The following TTF2 variants were observed in gnomAD, a reference collection of about 807,000 sequenced individuals.
TTF2 encodes the protein transcription termination factor 2.
TTF2 carries 108 observed loss-of-function variants against 142.4 expected under a neutral mutation model. That is an observed-to-expected ratio of 0.76 (90% CI 0.65 to 0.89). The LOEUF (loss-of-function observed/expected upper bound fraction) is 0.89. Among genes scored for constraint, TTF2 ranks in the 40% least tolerant of loss-of-function variants. The pLI, the probability that TTF2 is intolerant of heterozygous loss-of-function variation, is 0.00. For synonymous variants in TTF2, 483 were observed against 506.2 expected, an observed-to-expected ratio of 0.95 and a Z score of 0.61; for missense variants, 1,327 against 1,379.8, an observed-to-expected ratio of 0.96 and a Z score of 0.61.
chr1:117,072,928 A>G (rs1343728966), intron 3 of TTF2, among the ~76,000 whole-genome samples: 1 of 152,178 alleles, frequency 6.6e-6, no homozygotes, highest in African/African-American at 2.4e-5. Context: ...CTCTTTTAAC[A>G]TACCAGTTGG....
Position 117,062,376 on chromosome 1 carries a change from C to A in TTF2, c.132-11C>A. 6.2e-7 allele frequency: 1 copy of A among 1,609,280 alleles called. No individual in the cohort carries two copies. Among genetic ancestry groups the A allele is most frequent in the African/African-American group, 1.3e-5 (1 of 74,618 alleles). Reference sequence around the variant, plus strand: ...ACCTAAAAATGTTTTCAACTTTTTTCTTTTCTCTAGCATTCCTGTTTCCCA... The same window carrying A: ...ACCTAAAAATGTTTTCAACTTTTTTATTTTCTCTAGCATTCCTGTTTCCCA... On this transcript the variant is annotated splice_polypyrimidine_tract_variant and intron_variant, in intron 2 of 22. Transcript: ENST00000369466.
At chr1:117,078,183 T>C in intron 8 of TTF2, 140 bp downstream of exon 8, 1 of 1,115,364 alleles carries the variant, frequency 9.0e-7, no homozygotes. Flanking sequence ...ATCCTCTCCT[T>C]TTATGCTTAA....
chr1:117,069,066 T>C (rs1656377610), intron 3 of TTF2, among the ~76,000 whole-genome samples: 1 of 152,258 alleles, frequency 6.6e-6, no homozygotes, highest in Admixed American at 6.5e-5. Flanking sequence ...ACTACAAGAA[T>C]ATTCATATCT....
chr1:117,079,768 A>C lies in TTF2; in HGVS notation c.1783+119A>C. On this transcript the variant is annotated intron_variant, in intron 9 of 22. Transcript: ENST00000369466. The surrounding 1 kb of genome is among the most constrained non-coding windows in gnomAD (Gnocchi z 4.2). Reference sequence around the variant, plus strand: ...TATGAGGCAGGTACTATTATTCCTCATTTTACAGATGATGAAAGTGAAGCA... The same window carrying C: ...TATGAGGCAGGTACTATTATTCCTCCTTTTACAGATGATGAAAGTGAAGCA... 2.1e-6 allele frequency: 2 copies of C among 931,566 alleles called. No individual in the cohort carries two copies. The highest frequency in any genetic ancestry group is 3.4e-6 in the Non-Finnish European group (2 of 595,342). 57.7% of individuals were successfully genotyped at this position (931,566 alleles called of 1,614,324 possible). A position where few individuals can be genotyped will look rare whatever the true frequency, so the allele number is the denominator to read the frequency against.
intron 9 of TTF2, among the ~76,000 whole-genome samples, chr1:117,081,110 A>AAAGGCCTG (rs2101060376): frequency 6.6e-6 from 1 of 152,358 alleles, no homozygotes; most frequent in East Asian, 1.9e-4. Flanking sequence ...CAACCTTGTA[A>AAAGGCCTG]GCAGGCCTTT....
Position 117,092,924 on chromosome 1 carries a change from T to TA in TTF2, c.2976+24dup. 1 of 1,612,222 alleles carries TA rather than the reference T, an allele frequency of 6.2e-7. No homozygotes were observed. Among genetic ancestry groups the TA allele is most frequent in the Non-Finnish European group, 8.5e-7 (1 of 1,179,102 alleles). On this transcript the variant is annotated intron_variant, in intron 18 of 22. Coordinates refer to ENST00000369466, the MANE Select transcript of TTF2 (RefSeq NM_003594.4). This position sits in a 1 kb window ranked among gnomAD's most constrained non-coding sequence, Gnocchi z 4.4. Reference sequence around the variant, plus strand: ...AAGGTACTTTTTGTCTCCTCTGTAGTAGTCGAGAGACTTCGATTCCTCACA... The same window carrying TA: ...AAGGTACTTTTTGTCTCCTCTGTAGTAAGTCGAGAGACTTCGATTCCTCACA...
chr1:117,065,827 C>A (rs1656055958), intron 3 of TTF2, among the ~76,000 whole-genome samples: 1 of 151,766 alleles, frequency 6.6e-6, no homozygotes, highest in South Asian at 2.1e-4. Flanking sequence ...TACTGGAGGA[C>A]CTTTACCATA....
chr1:117,061,285 G>A (rs1655668873), intron 2 of TTF2, among the ~76,000 whole-genome samples: 2 of 152,208 alleles, frequency 1.3e-5, no homozygotes, highest in African/African-American at 2.4e-5. Context: ...CCAGCTACTC[G>A]TGAGGCTGAG....
Position 117,092,122 on chromosome 1 carries a change from G to T in TTF2, c.2805+172G>T, listed in dbSNP as rs763549174. ...GGAGAAAAGGGGGCTTATTTATTTT[G>T]CTTTATTTCATATTAATCTTGATAA... On this transcript the variant is annotated intron_variant, in intron 17 of 22. Coordinates refer to ENST00000369466, the MANE Select transcript of TTF2 (RefSeq NM_003594.4). The surrounding 1 kb of genome is among the most constrained non-coding windows in gnomAD (Gnocchi z 4.4). 7.2e-5 allele frequency among the ~76,000 whole-genome samples: 11 copies of T among 152,038 alleles called. No homozygotes were observed. The highest frequency in any genetic ancestry group is 1.0e-4 in the Non-Finnish European group (7 of 67,990).
At chr1:117,091,460 T>G in intron 16 of TTF2, 50 bp downstream of exon 16, 1 of 1,542,428 alleles carries the variant, frequency 6.5e-7, no homozygotes, top group Non-Finnish European at 8.8e-7. Context: ...AAATGGGGAT[T>G]TGGATTCAGT....
In TTF2 at chr1:117,099,234, A is replaced by C. The variant is rs1302300830; in HGVS notation, c.3344+327A>C. 6.6e-6 allele frequency among the ~76,000 whole-genome samples: 1 copy of C among 152,208 alleles called. No individual in the cohort carries two copies. Among genetic ancestry groups the C allele is most frequent in the Non-Finnish European group, 1.5e-5 (1 of 68,038 alleles). ...ACAGAAAACGTACAAGAATAGTACC[A>C]AAAAGTTCCCATATATTATGGTGTG... On this transcript the variant is annotated intron_variant, in intron 22 of 22. Transcript: ENST00000369466. This position sits in a 1 kb window ranked among gnomAD's most constrained non-coding sequence, Gnocchi z 4.3.
intron 3 of TTF2, among the ~76,000 whole-genome samples, chr1:117,067,629 A>G (rs1321323983): frequency 6.6e-6 from 1 of 152,028 alleles, no homozygotes; most frequent in Non-Finnish European, 1.5e-5. Flanking sequence ...AAAACCAGGT[A>G]CTCTGATAGG....
At chr1:117,069,878 C>A (rs1161900125) in intron 3 of TTF2, among the ~76,000 whole-genome samples, 2 of 152,142 alleles carry the variant, frequency 1.3e-5, no homozygotes, top group Non-Finnish European at 2.9e-5. Context: ...TCTAGCTGGT[C>A]CCTTCATCGT....
At position 117,091,910 on chromosome 1, in the gene TTF2, G is replaced by T; in HGVS notation, c.2765G>T (p.Arg922Ile). ...GTCCACATACTGTCCCAGTTGCTGA[G>T]ACTCCGCCAGTGTTGCTGTCATCTT... ...STVHILSQLL[R>I]LRQCCCHLSL... Residue 922 changes from arginine to isoleucine, a missense_variant, in exon 17 of 23, where the codon AGA (arginine) becomes ATA (isoleucine). Transcript: ENST00000369466. 2 of 1,613,130 alleles carry T rather than the reference G, an allele frequency of 1.2e-6. No homozygotes were observed. The highest frequency in any genetic ancestry group is 8.5e-7 in the Non-Finnish European group (1 of 1,179,828).
rs1310545164 is a variant in TTF2 at position 117,060,630 on chromosome 1, G to T, written c.131+73G>T. The T allele has an allele frequency of 4.1e-6, 6 of 1,472,174 alleles. No individual in the cohort carries two copies. In the African/African-American group the frequency reaches 8.4e-5, roughly 21 times the overall value. 91.2% of individuals were successfully genotyped at this position (1,472,174 alleles called of 1,614,324 possible). ...CGAGAGGAGCTTCCCGCTCCCCGCT[G>T]TCGGGCGTCACAGGGCCGAGGAGTG... On this transcript the variant is annotated intron_variant, in intron 2 of 22. Coordinates refer to ENST00000369466, the MANE Select transcript of TTF2 (RefSeq NM_003594.4).
In TTF2 at chr1:117,063,676, CT is replaced by C. The variant is rs965670600; in HGVS notation, c.218+1211del. ...ACGTTATCTGTTTAAATATTTTATC[CT>C]TTTTTTTGCATTGAAATTTTTATCA... On this transcript the variant is annotated intron_variant, in intron 3 of 22. Coordinates refer to ENST00000369466, the MANE Select transcript of TTF2 (RefSeq NM_003594.4). The surrounding 1 kb of genome is among the most constrained non-coding windows in gnomAD (Gnocchi z 4.1). 1.4e-4 allele frequency among the ~76,000 whole-genome samples: 22 copies of C among 151,870 alleles called. No homozygotes were observed. The highest frequency in any genetic ancestry group is 5.1e-4 in the African/African-American group (21 of 41,424).
chr1:117,088,489 A>C (rs879674891), intron 12 of TTF2, among the ~76,000 whole-genome samples: 1 of 152,108 alleles, frequency 6.6e-6, no homozygotes, highest in Non-Finnish European at 1.5e-5. Flanking sequence ...GTGAGCCGAG[A>C]TCTCGCCACT....
Position 117,084,089 on chromosome 1 carries a change from G to T in TTF2, c.1975G>T (p.Glu659Ter). 1.2e-6 allele frequency: 2 copies of T among 1,614,166 alleles called. No homozygotes were observed. Among genetic ancestry groups the T allele is most frequent in the Non-Finnish European group, 1.7e-6 (2 of 1,180,034 alleles). Residue 659 changes from glutamate to a stop codon, truncating the protein, a stop_gained, in exon 11 of 23, where the codon GAG becomes TAG. Coordinates refer to ENST00000369466, the MANE Select transcript of TTF2 (RefSeq NM_003594.4). LOFTEE classifies it high-confidence loss of function. Reference sequence around the variant, plus strand: ...CTCCCTGATCCATCATTGGAAAAATGAGGTGGAGAAACGGGTGAACAGCAA... The same window carrying T: ...CTCCCTGATCCATCATTGGAAAAATTAGGTGGAGAAACGGGTGAACAGCAA... Reference protein sequence around the residue: ...PASLIHHWKNEVEKRVNSNKL... With the variant: ...PASLIHHWKN
chr1:117,088,032 G>T (rs1283455506), intron 12 of TTF2, among the ~76,000 whole-genome samples: 1 of 152,098 alleles, frequency 6.6e-6, no homozygotes, highest in Non-Finnish European at 1.5e-5. Flanking sequence ...CTTTACACTT[G>T]TTTTTCTCCC....
Sources: gnomAD v4.1 joint callset for allele counts (sites outside exome capture counted in the v4.1 genomes callset) on GRCh38, gnomAD v4.1.1 for gene constraint, Gnocchi (gnomAD v3.1) non-coding constraint, MANE v1.5 for transcripts, NCBI Gene and HGNC (gene_info 2026-07-23, HGNC 2026-07-21) for gene names.